The following MGST1 variants were observed in gnomAD, a reference collection of about 807,000 sequenced individuals.
MGST1 encodes microsomal glutathione S-transferase 1, also known as glutathione S-transferase 12.
Under a neutral mutation model 8.9 loss-of-function variants are expected in MGST1, and 5 were observed. That is an observed-to-expected ratio of 0.56 (90% confidence interval 0.29 to 1.19). The LOEUF (loss-of-function observed/expected upper bound fraction) is 1.19, where lower values mean the gene tolerates loss of function less well. Ranked by LOEUF, MGST1 falls within the 50% of genes most tolerant of loss-of-function variation. The probability of loss-of-function intolerance (pLI) is 0.08; values close to 1 mark genes in which losing one functional copy is unlikely to be tolerated. For missense variants in MGST1, 182 were observed against 187.4 expected (o/e 0.97, Z 0.17); for synonymous variants, 54 against 67.8 (o/e 0.80, Z 1.00).
chr12:16,546,230 C>A lies in MGST1; in HGVS notation n.483-43298C>A, dbSNP rs1157282036. On this transcript the variant is annotated intron_variant and non_coding_transcript_variant, in intron 4 of 4. Transcript: ENST00000538857. This position sits in a 1 kb window ranked among gnomAD's most constrained non-coding sequence, Gnocchi z 4.7. ...GCTTTAGGTGATTTAAACTCTTCTC[C>A]AGGAGCAGGGTGAAAAAAGATTTTG... is the stretch of plus-strand genomic sequence containing the variant. Among the ~76,000 whole-genome samples the A allele has an allele frequency of 6.6e-6, 1 of 152,048 alleles. No homozygotes were observed. The highest frequency in any genetic ancestry group is 1.5e-5 in the Non-Finnish European group (1 of 67,968).
At position 16,557,367 on chromosome 12, in the gene MGST1, ATT is replaced by A. The variant is rs68115649; in HGVS notation, n.483-32144_483-32143del. Among the ~76,000 whole-genome samples the A allele has an allele frequency of 3.7e-3, 523 of 142,712 alleles. 3 individuals carry two copies. The highest frequency in any genetic ancestry group is 0.012 in the African/African-American group (471 of 39,028). 93.6% of individuals were successfully genotyped at this position (142,712 alleles called of 152,430 possible). A position where few individuals can be genotyped will look rare whatever the true frequency, so the allele number is the denominator to read the frequency against. On this transcript the variant is annotated intron_variant and non_coding_transcript_variant, in intron 4 of 4. Transcript: ENST00000538857. ...TCTTTCATCCCTTAAGGTGGCAAGG[ATT>A]TTTTTTTTTTTTTTTTAAACGTAAT...
At chr12:16,386,783 A>C (rs1291791136) in intron 1 of MGST1, among the ~76,000 whole-genome samples, 1 of 152,200 alleles carries the variant, frequency 6.6e-6, no homozygotes, top group Non-Finnish European at 1.5e-5. Flanking sequence ...AATTTCCAGA[A>C]ATAAGCAACT....
chr12:16,438,991 C>T (rs753616141), downstream of MGST1, among the ~76,000 whole-genome samples: 1 of 151,544 alleles, frequency 6.6e-6, no homozygotes, highest in East Asian at 1.9e-4. Context: ...AAAGATGGAA[C>T]ATGAAAGCCT....
chr12:16,460,820 G>A (rs1253034973), intron 4 of MGST1, among the ~76,000 whole-genome samples: 1 of 151,898 alleles, frequency 6.6e-6, no homozygotes, highest in Non-Finnish European at 1.5e-5. Context: ...TAGATGTCAG[G>A]TGATGCAGTC....
chr12:16,455,843 T>C (rs1398480788), intron 4 of MGST1, among the ~76,000 whole-genome samples: 1 of 151,928 alleles, frequency 6.6e-6, no homozygotes, highest in East Asian at 1.9e-4. Context: ...ATGTGAAGCA[T>C]ATTGTTAATA....
chr12:16,564,696 GCA>G (rs1417621247), intron 4 of MGST1, among the ~76,000 whole-genome samples: 5 of 152,184 alleles, frequency 3.3e-5, no homozygotes, highest in Non-Finnish European at 7.3e-5. Flanking sequence ...TGAGGAAAAT[GCA>G]CAAATATGTC....
chr12:16,566,513 G>A (rs1001041827), intron 4 of MGST1, among the ~76,000 whole-genome samples: 2 of 151,842 alleles, frequency 1.3e-5, no homozygotes, highest in African/African-American at 4.8e-5. Flanking sequence ...ACATCAGACT[G>A]TACCCTAGAA....
intron 1 of MGST1, among the ~76,000 whole-genome samples, chr12:16,414,880 C>G (rs763469407): frequency 4.6e-5 from 7 of 152,014 alleles, no homozygotes; most frequent in African/African-American, 1.7e-4. Flanking sequence ...AAAAATTAGC[C>G]GGGCGTGATG....
At chr12:16,400,069 A>C in intron 1 of MGST1, 1 of 1,584,720 alleles carries the variant, frequency 6.3e-7, no homozygotes. Flanking sequence ...TAGAGCCTCT[A>C]CTTTCTCCAT....
chr12:16,462,107 G>T (rs567769492), intron 4 of MGST1, among the ~76,000 whole-genome samples: 23 of 152,096 alleles, frequency 1.5e-4, no homozygotes, highest in African/African-American at 5.5e-4. Context: ...ATGTTAATTT[G>T]CTCCCCATCT....
At chr12:16,527,145 A>G (rs1941692705) in intron 4 of MGST1, among the ~76,000 whole-genome samples, 1 of 151,966 alleles carries the variant, frequency 6.6e-6, no homozygotes, top group South Asian at 2.1e-4. Context: ...TTAAATGTCT[A>G]GTGTTATTTG....
intron 4 of MGST1, among the ~76,000 whole-genome samples, chr12:16,527,175 T>A (rs1941692917): frequency 6.6e-6 from 1 of 152,040 alleles, no homozygotes; most frequent in Admixed American, 6.6e-5. Context: ...TTCTGCAACA[T>A]GAATTTCTTC....
At chr12:16,423,505 G>A (rs1416398284) in intron 1 of MGST1, among the ~76,000 whole-genome samples, 1 of 149,002 alleles carries the variant, frequency 6.7e-6, no homozygotes, top group Non-Finnish European at 1.5e-5. Flanking sequence ...TGATTTTAAA[G>A]TGAAACAAAA....
chr12:16,456,848 G>T (rs967517854), intron 4 of MGST1, among the ~76,000 whole-genome samples: 1 of 151,790 alleles, frequency 6.6e-6, no homozygotes, highest in Non-Finnish European at 1.5e-5. Context: ...TGTCAATTCA[G>T]CTTCTGAAAA....
At chr12:16,407,689 TAAAA>T (rs202222229) in intron 1 of MGST1, among the ~76,000 whole-genome samples, 2 of 150,364 alleles carry the variant, frequency 1.3e-5, no homozygotes, top group African/African-American at 2.4e-5. Context: ...GTGAACTAGA[TAAAA>T]AAAAATATGG....
intron 1 of MGST1, among the ~76,000 whole-genome samples, chr12:16,414,198 T>G (rs933477793): frequency 2.6e-5 from 4 of 151,872 alleles, no homozygotes; most frequent in Non-Finnish European, 5.9e-5. Context: ...TTCTAGCTAC[T>G]AGCTTTTATA....
intron 1 of MGST1, among the ~76,000 whole-genome samples, chr12:16,425,751 A>G (rs1011849150): frequency 6.6e-6 from 1 of 152,152 alleles, no homozygotes; most frequent in Non-Finnish European, 1.5e-5. Flanking sequence ...CCTTATTCCT[A>G]CTGCCCCACT....
rs962688875 is a variant in MGST1 at position 16,354,193 on chromosome 12, A to T, written c.-22-38A>T. ...GATCTTCCAGTTATTTTGGGTATTT[A>T]TGTCTGCTTTTTCCCATTTTATTTA... is the stretch of plus-strand genomic sequence containing the variant. On this transcript the variant is annotated intron_variant, in intron 1 of 3. Coordinates refer to ENST00000396210, the MANE Select transcript of MGST1 (RefSeq NM_020300.5). 4 of 1,458,276 alleles carry T rather than the reference A, an allele frequency of 2.7e-6. No homozygotes were observed. The African/African-American group carries it at 5.8e-5, about 21-fold the overall frequency. The allele number at this position is 1,458,276 out of a possible 1,614,324, so 90.3% of individuals were successfully genotyped here. A position where few individuals can be genotyped will look rare whatever the true frequency, so the allele number is the denominator to read the frequency against.
intron 1 of MGST1, among the ~76,000 whole-genome samples, chr12:16,419,829 A>G (rs771885374): frequency 4.6e-5 from 7 of 152,164 alleles, no homozygotes; most frequent in Middle Eastern, 3.2e-3. Context: ...CCAGGGTGTC[A>G]GAGAATCCGC....
Sources: gnomAD v4.1 joint callset for allele counts (sites outside exome capture counted in the v4.1 genomes callset) on GRCh38, gnomAD v4.1.1 for gene constraint, Gnocchi (gnomAD v3.1) non-coding constraint, MANE v1.5 for transcripts, NCBI Gene and HGNC (gene_info 2026-07-23, HGNC 2026-07-21) for gene names.